HNRNPM: variants seen among roughly 807,000 people sequenced by gnomAD.
The protein encoded by HNRNPM is heterogeneous nuclear ribonucleoprotein M.
A neutral mutation model predicts 73.1 loss-of-function variants in HNRNPM; 11 were observed. The observed-to-expected ratio is 0.15, with a 90% confidence interval of 0.09 to 0.25. The LOEUF is 0.25. Among genes scored for constraint, HNRNPM ranks in the 10% least tolerant of loss-of-function variants. The pLI is 1.00. For synonymous variants in HNRNPM, 407 were observed against 355.2 expected (o/e 1.15, Z -1.64); for missense variants, 789 against 1,067.9 (o/e 0.74, Z 3.64).
chr19:8,456,313 CCTCT>C (rs909278889), intron 2 of HNRNPM, among the ~76,000 whole-genome samples: 6 of 152,122 alleles, frequency 3.9e-5, no homozygotes, highest in African/African-American at 1.4e-4. Flanking sequence ...ACTGTGGTGT[CCTCT>C]CTCTCTCCTT....
chr19:8,475,905 CTTTTTTTTT>C lies in HNRNPM; in HGVS notation c.1120+1677_1120+1685del, dbSNP rs71175865. Among the ~76,000 whole-genome samples the C allele has an allele frequency of 6.8e-3, 778 of 114,384 alleles. 7 individuals are homozygous for C. The highest frequency in any genetic ancestry group is 0.024 in the African/African-American group (730 of 30,540). 75.0% of individuals were successfully genotyped at this position (114,384 alleles called of 152,430 possible). ...CAACACTGCGAAACCCCATCTCTCT[CTTTTTTTTT>C]TTTTTTTTTTTTTTTAAGAACAGAT... is the stretch of plus-strand genomic sequence containing the variant. On this transcript the variant is annotated intron_variant, in intron 12 of 15. Coordinates refer to ENST00000325495, the MANE Select transcript of HNRNPM (RefSeq NM_005968.5).
intron 8 of HNRNPM, 120 bp downstream of exon 8, chr19:8,467,704 C>G (rs1969850196): frequency 1.3e-6 from 1 of 798,020 alleles, no homozygotes; most frequent in Non-Finnish European, 2.2e-6. Context: ...AAATAGGGTG[C>G]AGTATGTTGA....
intron 2 of HNRNPM, 117 bp downstream of exon 2, chr19:8,455,691 A>G (rs1454944910): frequency 7.2e-6 from 5 of 696,168 alleles, no homozygotes; most frequent in Non-Finnish European, 1.2e-5. Flanking sequence ...TGTTCTTTCC[A>G]GGCTTAAGAG....
chr19:8,480,037 T>C (rs1323443504), intron 12 of HNRNPM, among the ~76,000 whole-genome samples: 1 of 143,370 alleles, frequency 7.0e-6, no homozygotes, highest in Non-Finnish European at 1.5e-5. Context: ...CCTCCCAAAG[T>C]GCTGGGATTA....
chr19:8,445,953 G>A (rs1185524909), intron 1 of HNRNPM, among the ~76,000 whole-genome samples: 1 of 152,212 alleles, frequency 6.6e-6, no homozygotes, highest in Non-Finnish European at 1.5e-5. Context: ...CCTGCTTGGG[G>A]CTCTTTGACT....
intron 1 of HNRNPM, among the ~76,000 whole-genome samples, chr19:8,452,585 C>T (rs1163242800): frequency 6.6e-6 from 1 of 152,182 alleles, no homozygotes; most frequent in Admixed American, 6.6e-5. Flanking sequence ...GTCTTGTGGA[C>T]TCAGGTAGAT....
intron 1 of HNRNPM, among the ~76,000 whole-genome samples, chr19:8,450,387 G>C (rs528891224): frequency 2.0e-5 from 3 of 152,162 alleles, no homozygotes; most frequent in Admixed American, 1.3e-4. Flanking sequence ...GTCTTTTGCA[G>C]ATTAGGCACT....
At position 8,468,795 on chromosome 19, in the gene HNRNPM, G is replaced by A. The variant is rs1221211473; in HGVS notation, c.856G>A (p.Gly286Arg). 6.2e-7 allele frequency: 1 copy of A among 1,613,812 alleles called. No homozygotes were observed. Among genetic ancestry groups the A allele is most frequent in the South Asian group, 1.1e-5 (1 of 91,068 alleles). Reference protein sequence around the residue: ...VKMDERALPKGDFFPPERPQQ... With the variant: ...VKMDERALPKRDFFPPERPQQ... ...TCAGGATGAGAGGGCCTTACCAAAA[G>A]GAGATTTCTTCCCTCCTGAGCGTCC... Residue 286 changes from glycine (G) to arginine (R), a missense_variant, in exon 9 of 16, where the codon GGA becomes AGA. Physicochemically the swap from Gly to Arg is moderately radical, Grantham distance 125. Around this residue, in one of 4 missense-constraint regions of HNRNPM, gnomAD observed 604 missense variants for 744.0 expected, o/e 0.81. Transcript: ENST00000325495.
chr19:8,474,022 A>AT (rs982258926), intron 11 of HNRNPM, 145 bp from the exon 12 acceptor site: 46 of 623,790 alleles, frequency 7.4e-5, no homozygotes, highest in Middle Eastern at 2.6e-4. Context: ...GGGTGCTAGC[A>AT]TTTTTTTTGT....
At chr19:8,469,902 T>C (rs1970013158) in intron 9 of HNRNPM, among the ~76,000 whole-genome samples, 2 of 152,218 alleles carry the variant, frequency 1.3e-5, no homozygotes, top group East Asian at 1.9e-4. Context: ...GCATGACAGA[T>C]GTATCTTGAA....
intron 7 of HNRNPM, among the ~76,000 whole-genome samples, chr19:8,467,022 G>T (rs558859542): frequency 3.3e-5 from 5 of 152,186 alleles, no homozygotes; most frequent in African/African-American, 1.2e-4. Flanking sequence ...GTTGTTTCAT[G>T]TGTAATACAT....
rs1242079987 is a variant in HNRNPM at position 8,476,579 on chromosome 19, AG to A, written c.1120+2336del. On this transcript the variant is annotated intron_variant, in intron 12 of 15. Transcript: ENST00000325495. ...TGAGATTAATGTTAAAAAAAAAAAA[AG>A]AGAGATTGTTAAATGTCAAAAACTG... Among the ~76,000 whole-genome samples, 396 of 13,136 alleles carry A rather than the reference AG, an allele frequency of 0.03. 6 individuals carry two copies. The East Asian group carries it at 0.36, about 12-fold the overall frequency. The allele number at this position is 13,136 out of a possible 152,430, so 8.6% of individuals were successfully genotyped here. A position where few individuals can be genotyped will look rare whatever the true frequency, so the allele number is the denominator to read the frequency against.
Position 8,465,329 on chromosome 19 carries a change from T to G in HNRNPM, c.444T>G (p.Pro148=). 1.2e-6 allele frequency: 2 copies of G among 1,604,476 alleles called. No individual in the cohort carries two copies. The highest frequency in any genetic ancestry group is 1.7e-6 in the Non-Finnish European group (2 of 1,175,832). The change falls in exon 6 of 16, where the codon CCT becomes CCG. Residue 148 remains proline, a synonymous_variant. Coordinates refer to ENST00000325495, the MANE Select transcript of HNRNPM (RefSeq NM_005968.5). The part of the protein sequence containing the change: ...SGRPLKVKED[P]DGEHARRAMQ... ...ACCTTTTGTGCTTGTTTTAGGATCC[T>G]GATGGTGAACATGCCAGGAGAGCAA... is the stretch of plus-strand genomic sequence containing the variant.
chr19:8,467,623 C>T, intron 8 of HNRNPM, 39 bp downstream of exon 8: 1 of 1,405,932 alleles, frequency 7.1e-7, no homozygotes, highest in African/African-American at 1.4e-5. Flanking sequence ...ATACTCAAGT[C>T]TAGCAAAAAC....
intron 1 of HNRNPM, among the ~76,000 whole-genome samples, chr19:8,448,250 T>C (rs1968352423): frequency 6.6e-6 from 1 of 152,128 alleles, no homozygotes; most frequent in Admixed American, 6.6e-5. Flanking sequence ...GGAACCCAGG[T>C]TGGAAATCTT....
chr19:8,449,886 C>T (rs1968482433), intron 1 of HNRNPM, among the ~76,000 whole-genome samples: 2 of 152,146 alleles, frequency 1.3e-5, no homozygotes, highest in South Asian at 4.1e-4. Flanking sequence ...TCCATAGGAC[C>T]GAGGCCTAGT....
Position 8,463,490 on chromosome 19 carries a change from T to G in HNRNPM, c.337-7T>G, listed in dbSNP as rs1180386183. The G allele has an allele frequency of 1.9e-6, 3 of 1,614,078 alleles. No homozygotes were observed. The highest frequency in any genetic ancestry group is 2.5e-6 in the Non-Finnish European group (3 of 1,179,930). ...CTCTTCTGACTGGTCTCTGGCTTCC[T>G]CCAAAGGGATGTGCGTAAGTATCGT... On this transcript the variant is annotated splice_polypyrimidine_tract_variant and splice_region_variant and intron_variant, in intron 3 of 15. Transcript: ENST00000325495.
At chr19:8,483,485 A>G (rs951686088) in intron 13 of HNRNPM, among the ~76,000 whole-genome samples, 13 of 152,258 alleles carry the variant, frequency 8.5e-5, no homozygotes, top group Middle Eastern at 3.2e-3. Flanking sequence ...CGTGCTGTGC[A>G]CAGGCCGACC....
chr19:8,469,760 C>T (rs1328268846), intron 9 of HNRNPM, among the ~76,000 whole-genome samples: 2 of 152,212 alleles, frequency 1.3e-5, no homozygotes, highest in African/African-American at 2.4e-5. Flanking sequence ...CCTGTGTGTG[C>T]TGTGCTGGGG....
Sources: allele counts gnomAD v4.1 joint callset (sites outside exome capture counted in the v4.1 genomes callset), GRCh38; gene constraint gnomAD v4.1.1; regional missense constraint gnomAD v4.1.1; transcripts MANE v1.5; gene names NCBI Gene and HGNC (gene_info 2026-07-23, HGNC 2026-07-21).